DNAH14: variants seen among roughly 807,000 people sequenced by gnomAD.
DNAH14 encodes the protein dynein axonemal heavy chain 14, also known as axonemal beta dynein heavy chain 14.
Under a neutral mutation model 520.9 loss-of-function variants are expected in DNAH14, and 478 were observed. The ratio of observed to expected loss-of-function variants is 0.92; its 90% CI spans 0.85 to 0.99. The LOEUF is 0.99. Among genes scored for constraint, DNAH14 ranks in the 50% least tolerant of loss-of-function variants. The pLI, the probability that DNAH14 is intolerant of heterozygous loss-of-function variation, is 0.00. For missense variants in DNAH14, 4,831 were observed against 5,234.5 expected (o/e 0.92, Z 2.38); for synonymous variants, 1,581 against 1,757.2 (o/e 0.90, Z 2.51).
chr1:225,287,976 T>G (rs1206742691), intron 54 of DNAH14, among the ~76,000 whole-genome samples: 1 of 152,004 alleles, frequency 6.6e-6, no homozygotes. Context: ...AATAAATGAC[T>G]AAATAAATAA....
chr1:225,361,216 T>C (rs2095488810), intron 75 of DNAH14, among the ~76,000 whole-genome samples: 1 of 152,244 alleles, frequency 6.6e-6, no homozygotes, highest in South Asian at 2.1e-4. Context: ...ACATAGTTTT[T>C]AATATTCGAT....
At chr1:225,231,744 A>G (rs1306470768) in intron 42 of DNAH14, among the ~76,000 whole-genome samples, 4 of 152,176 alleles carry the variant, frequency 2.6e-5, no homozygotes, top group African/African-American at 9.6e-5. Flanking sequence ...CCACTCACTT[A>G]TCTACGTCTT....
intron 1 of DNAH14, among the ~76,000 whole-genome samples, chr1:224,947,242 G>C (rs921250998): frequency 6.6e-6 from 1 of 152,086 alleles, no homozygotes; most frequent in Non-Finnish European, 1.5e-5. Context: ...TACTGTTTCT[G>C]TGATTTCCAT....
intron 12 of DNAH14, among the ~76,000 whole-genome samples, chr1:225,039,247 G>T (rs765485924): frequency 1.4e-4 from 22 of 152,098 alleles, no homozygotes; most frequent in Non-Finnish European, 2.8e-4. Flanking sequence ...GTAAGGGAAG[G>T]CCACCCTATG....
chr1:225,121,162 G>T (rs556359551), intron 26 of DNAH14, among the ~76,000 whole-genome samples: 73 of 151,962 alleles, frequency 4.8e-4, no homozygotes, highest in Non-Finnish European at 9.0e-4. Flanking sequence ...ATCTATTATG[G>T]CATACATTGT....
chr1:225,357,686 G>A (rs1426729240), intron 73 of DNAH14: 6 of 664,524 alleles, frequency 9.0e-6, no homozygotes, highest in East Asian at 5.4e-5. Flanking sequence ...AATGTGCTGT[G>A]TTAAACATAT....
chr1:225,313,678 C>G (rs193041721), intron 60 of DNAH14, among the ~76,000 whole-genome samples: 9 of 152,278 alleles, frequency 5.9e-5, no homozygotes, highest in African/African-American at 1.9e-4. Context: ...TTATTTATTT[C>G]TGCCTTCATT....
intron 41 of DNAH14, among the ~76,000 whole-genome samples, chr1:225,215,696 T>C (rs2089206188): frequency 6.6e-6 from 1 of 152,174 alleles, no homozygotes; most frequent in African/African-American, 2.4e-5. Context: ...AAGTCTGTTT[T>C]ATTAGAGACT....
chr1:225,356,787 T>G (rs2095434095), intron 73 of DNAH14, among the ~76,000 whole-genome samples: 1 of 152,162 alleles, frequency 6.6e-6, no homozygotes, highest in Non-Finnish European at 1.5e-5. Context: ...TTGCTTGAAT[T>G]TTATGTAGCA....
chr1:225,204,021 C>G (rs942549931), intron 38 of DNAH14, among the ~76,000 whole-genome samples, 162 bp from the exon 39 acceptor site: 15 of 152,130 alleles, frequency 9.9e-5, no homozygotes, highest in African/African-American at 3.6e-4. Context: ...AGTCACAAGT[C>G]AGTTACATTA....
intron 17 of DNAH14, among the ~76,000 whole-genome samples, chr1:225,065,147 A>T (rs1184396099): frequency 6.6e-6 from 1 of 151,908 alleles, no homozygotes; most frequent in Non-Finnish European, 1.5e-5. Context: ...TTCATCATGA[A>T]ATCTTTGCCC....
chr1:225,005,753 T>G (rs998009770), intron 9 of DNAH14, among the ~76,000 whole-genome samples: 4 of 152,112 alleles, frequency 2.6e-5, no homozygotes, highest in Non-Finnish European at 4.4e-5. Flanking sequence ...ATGTATTTTG[T>G]TAAGAGAATT....
chr1:225,149,323 T>C (rs2080256980), intron 31 of DNAH14, among the ~76,000 whole-genome samples: 1 of 152,216 alleles, frequency 6.6e-6, no homozygotes, highest in African/African-American at 2.4e-5. Context: ...GTTTTGATAA[T>C]AACTGTAGCA....
chr1:225,360,190 T>C (rs972873692), intron 74 of DNAH14, among the ~76,000 whole-genome samples: 4 of 152,250 alleles, frequency 2.6e-5, no homozygotes, highest in African/African-American at 9.6e-5. Flanking sequence ...TTCCTTTCTA[T>C]GATTGCATAG....
intron 52 of DNAH14, 46 bp downstream of exon 52, chr1:225,273,171 G>A (rs1483480947): frequency 4.7e-6 from 7 of 1,504,112 alleles, no homozygotes; most frequent in Middle Eastern, 3.6e-4. Flanking sequence ...GGTGGCTTAC[G>A]CCTGTAATCC....
chr1:225,152,057 A>G lies in DNAH14; in HGVS notation c.4993A>G (p.Ile1665Val), dbSNP rs2080549843. The G allele has an allele frequency of 1.3e-6, 2 of 1,550,246 alleles. No homozygotes were observed. The highest frequency in any genetic ancestry group is 2.7e-5 in the African/African-American group (2 of 72,954). The change falls in exon 32 of 86, where the codon ATC (isoleucine) becomes GTC (valine). Residue 1665 changes from isoleucine (I) to valine (V), a missense_variant. Physicochemically the swap from Ile to Val is conservative, Grantham distance 29. Coordinates refer to ENST00000682510, the MANE Select transcript of DNAH14 (RefSeq NM_001367479.1). Reference protein sequence around the residue: ...IRINMSCAVFITMNPRYGGGV... With the variant: ...IRINMSCAVFVTMNPRYGGGV... ...TATCAATATGTCTTGTGCGGTATTT[A>G]TCACCATGAATCCCAGGTAAGTATC...
intron 23 of DNAH14, among the ~76,000 whole-genome samples, chr1:225,104,519 CT>C (rs1240193069): frequency 6.6e-6 from 1 of 151,974 alleles, no homozygotes; most frequent in Non-Finnish European, 1.5e-5. Flanking sequence ...TGGTCCTGGA[CT>C]TTTTTTGGTT....
chr1:225,124,321 A>G (rs999168092), intron 27 of DNAH14, among the ~76,000 whole-genome samples: 2 of 152,200 alleles, frequency 1.3e-5, no homozygotes, highest in Non-Finnish European at 2.9e-5. Flanking sequence ...TTCCCAAAAG[A>G]TTTCTTTGTA....
intron 8 of DNAH14, among the ~76,000 whole-genome samples, chr1:225,000,566 CTT>C (rs199640733): frequency 2.3e-5 from 3 of 133,330 alleles, no homozygotes; most frequent in Admixed American, 7.4e-5. Flanking sequence ...AAGGTTTGTT[CTT>C]TTTTTTTTTT....
Sources: allele counts gnomAD v4.1 joint callset (sites outside exome capture counted in the v4.1 genomes callset), GRCh38; gene constraint gnomAD v4.1.1; transcripts MANE v1.5; gene names NCBI Gene and HGNC (gene_info 2026-07-23, HGNC 2026-07-21).